EPB41L4B: variants seen among roughly 807,000 people sequenced by gnomAD.
EPB41L4B encodes the protein band 4.1-like protein 4B.
In EPB41L4B, 30 loss-of-function variants were observed where a neutral mutation model predicts 112.5. That is an observed-to-expected ratio of 0.27 (90% CI 0.20 to 0.36). The LOEUF (loss-of-function observed/expected upper bound fraction) is 0.36. EPB41L4B is among the 10% of genes least tolerant of loss of function. The probability of loss-of-function intolerance (pLI) is 1.00; values close to 1 mark genes in which losing one functional copy is unlikely to be tolerated. For missense variants in EPB41L4B, 1,024 were observed against 1,133.3 expected, an observed-to-expected ratio of 0.90 and a Z score of 1.38; for synonymous variants, 408 against 439.7, an observed-to-expected ratio of 0.93 and a Z score of 0.90.
Position 109,238,097 on chromosome 9 carries a change from C to G in EPB41L4B, c.1409+5521G>C, listed in dbSNP as rs1017707167. ...CAGGCTGCTTGGTTAAACTCTAAGC[C>G]TGAGCTTCCCTATCTATGAAAAACA... On this transcript the variant is annotated intron_variant, in intron 15 of 25. Coordinates refer to ENST00000374566, the MANE Select transcript of EPB41L4B (RefSeq NM_019114.5). Among the ~76,000 whole-genome samples, 3 of 152,154 alleles carry G rather than the reference C, an allele frequency of 2.0e-5. No homozygotes were observed. In the South Asian group the frequency reaches 6.2e-4, roughly 32 times the overall value.
chr9:109,182,648 T>C (rs1832107134), intron 24 of EPB41L4B, 81 bp downstream of exon 24: 11 of 1,032,520 alleles, frequency 1.1e-5, no homozygotes, highest in Non-Finnish European at 1.7e-5. Flanking sequence ...CGGTTGACCT[T>C]GCTGTCTGGC....
chr9:109,227,092 C>CATCCTAAAGCACTGGTATTACAGG, intron 15 of EPB41L4B, among the ~76,000 whole-genome samples: 1 of 152,132 alleles, frequency 6.6e-6, no homozygotes, highest in Admixed American at 6.5e-5. Context: ...TCCCACTTCT[C>CATCCTAAAGCACTGGTATTACAGG]ATCCTAAAGC....
intron 20 of EPB41L4B, among the ~76,000 whole-genome samples, chr9:109,199,539 T>C (rs1331301974): frequency 6.6e-6 from 1 of 152,022 alleles, no homozygotes; most frequent in African/African-American, 2.4e-5. Context: ...CTTATTGGCT[T>C]ATACCTGTAA....
intron 20 of EPB41L4B, among the ~76,000 whole-genome samples, chr9:109,197,647 G>C (rs1399132256): frequency 1.3e-5 from 2 of 151,838 alleles, no homozygotes; most frequent in African/African-American, 4.8e-5. Flanking sequence ...TTGAAAAAGA[G>C]TGTCCTTAAA....
chr9:109,256,311 C>T lies in EPB41L4B; in HGVS notation c.840+82G>A, dbSNP rs1026425914. On this transcript the variant is annotated intron_variant, in intron 8 of 25. Coordinates refer to ENST00000374566, the MANE Select transcript of EPB41L4B (RefSeq NM_019114.5). ...CAAAATGCAAAAACAGTTTCCTCAC[C>T]ACAAGTTATTTTGTTTGCATAATGT... is the stretch of plus-strand genomic sequence containing the variant. The T allele has an allele frequency of 4.4e-6, 7 of 1,588,680 alleles. 1 individual carries two copies. The Admixed American group carries it at 5.1e-5, about 11-fold the overall frequency.
chr9:109,293,614 C>T (rs1488794345), intron 1 of EPB41L4B, among the ~76,000 whole-genome samples: 2 of 150,154 alleles, frequency 1.3e-5, no homozygotes, highest in Non-Finnish European at 1.5e-5. Context: ...CAACTCCTGA[C>T]CTCAGGTGAT....
chr9:109,273,800 T>C (rs982823414), intron 2 of EPB41L4B, among the ~76,000 whole-genome samples: 1 of 152,212 alleles, frequency 6.6e-6, no homozygotes, highest in African/African-American at 2.4e-5. Context: ...TTTTGTCTGT[T>C]TCCAGCAGTT....
At chr9:109,197,972 A>G (rs1832702663) in intron 20 of EPB41L4B, among the ~76,000 whole-genome samples, 1 of 152,264 alleles carries the variant, frequency 6.6e-6, no homozygotes, top group African/African-American at 2.4e-5. Flanking sequence ...ATGTAAAAGG[A>G]ATGGCAAGTT....
Position 109,321,008 on chromosome 9 carries a change from AGCCGCCGCCGCCGCCGCCGCC to A in EPB41L4B, c.-583_-563del, listed in dbSNP as rs752403352. The A allele has an allele frequency of 5.6e-6, 1 of 178,640 alleles. No homozygotes were observed. The highest frequency in any genetic ancestry group is 1.2e-4 in the South Asian group (1 of 8,120). The allele number at this position is 178,640 out of a possible 1,614,324, so 11.1% of individuals were successfully genotyped here. A position where few individuals can be genotyped will look rare whatever the true frequency, so the allele number is the denominator to read the frequency against. ...CTCCCACCTGGGAGGCTGCACCTCCAGCCGCCGCCGCCGCCGCCGCCGCCGCTGCCGCCGGGACTGCAGCAC... is the reference window on the plus strand; with the variant it reads ...CTCCCACCTGGGAGGCTGCACCTCCAGCCGCTGCCGCCGGGACTGCAGCAC... On this transcript the variant is annotated 5_prime_UTR_variant, in exon 1 of 26. Transcript: ENST00000374566.
At chr9:109,268,718 G>A (rs1344850506) in intron 2 of EPB41L4B, among the ~76,000 whole-genome samples, 1 of 151,928 alleles carries the variant, frequency 6.6e-6, no homozygotes, top group Non-Finnish European at 1.5e-5. Context: ...CTAACACGGT[G>A]AAACCCCGTC....
intron 15 of EPB41L4B, among the ~76,000 whole-genome samples, chr9:109,225,062 G>A (rs1833712372): frequency 2.0e-5 from 3 of 152,198 alleles, no homozygotes; most frequent in South Asian, 4.1e-4. Flanking sequence ...CCCTGGCTAA[G>A]ACATCCTTGT....
Position 109,247,782 on chromosome 9 carries a change from T to C in EPB41L4B, c.1318A>G (p.Thr440Ala). The C allele has an allele frequency of 6.7e-7, 1 of 1,503,526 alleles. No homozygotes were observed. The highest frequency in any genetic ancestry group is 8.9e-7 in the Non-Finnish European group (1 of 1,125,664). 93.1% of individuals were successfully genotyped at this position (1,503,526 alleles called of 1,614,324 possible). A position where few individuals can be genotyped will look rare whatever the true frequency, so the allele number is the denominator to read the frequency against. ...PVIAAQLCSK[T>A]NPEVHNYQPQ... ...TGGTAATTATGGACTTCTGGATTTGTTTTAGAGCTAAACAAACAAACAAAC... is the reference window on the plus strand; with the variant it reads ...TGGTAATTATGGACTTCTGGATTTGCTTTAGAGCTAAACAAACAAACAAAC... The change falls in exon 14 of 26, where the codon ACA becomes GCA. Residue 440 changes from threonine (T) to alanine (A), a missense_variant. Physicochemically the swap from Thr to Ala is moderately conservative, Grantham distance 58 (BLOSUM62 0). Coordinates refer to ENST00000374566, the MANE Select transcript of EPB41L4B (RefSeq NM_019114.5).
chr9:109,295,122 C>T (rs1309056658), intron 1 of EPB41L4B, among the ~76,000 whole-genome samples: 2 of 152,200 alleles, frequency 1.3e-5, no homozygotes, highest in Admixed American at 6.5e-5. Context: ...CACCTATGGA[C>T]GTTGAGTCAC....
At chr9:109,208,952 A>T (rs1039004650) in intron 17 of EPB41L4B, among the ~76,000 whole-genome samples, 3 of 152,206 alleles carry the variant, frequency 2.0e-5, no homozygotes, top group Non-Finnish European at 4.4e-5. Flanking sequence ...ATATACAGTC[A>T]TTATTAGAAG....
chr9:109,308,845 A>C (rs895395121), intron 1 of EPB41L4B, among the ~76,000 whole-genome samples: 1 of 152,222 alleles, frequency 6.6e-6, no homozygotes, highest in Admixed American at 6.5e-5. Context: ...TGGGAGGCTG[A>C]GGCAGGCGGA....
Position 109,297,559 on chromosome 9 carries a change from T to C in EPB41L4B, c.307-17638A>G, listed in dbSNP as rs530627077. Among the ~76,000 whole-genome samples the C allele has an allele frequency of 1.1e-4, 16 of 152,340 alleles. No individual in the cohort carries two copies. The South Asian group carries it at 3.3e-3, about 32-fold the overall frequency. On this transcript the variant is annotated intron_variant, in intron 1 of 25. Transcript: ENST00000374566. ...TGAGAACCAGTGCAGATGCGTCATGTGGCACAGTCACGGCTGTCCACCGGC... is the reference window on the plus strand; with the variant it reads ...TGAGAACCAGTGCAGATGCGTCATGCGGCACAGTCACGGCTGTCCACCGGC...
chr9:109,306,987 C>A (rs916764158), intron 1 of EPB41L4B, among the ~76,000 whole-genome samples: 1 of 151,506 alleles, frequency 6.6e-6, no homozygotes, highest in Non-Finnish European at 1.5e-5. Flanking sequence ...TCCCACAGGG[C>A]CTTACAGACA....
chr9:109,313,670 G>T (rs1447003725), intron 1 of EPB41L4B, among the ~76,000 whole-genome samples: 2 of 152,190 alleles, frequency 1.3e-5, no homozygotes, highest in East Asian at 3.9e-4. Context: ...ACCAAGGGAG[G>T]GGCAGCAGGC....
Position 109,255,855 on chromosome 9 carries a change from G to C in EPB41L4B, c.930-12C>G. On this transcript the variant is annotated splice_polypyrimidine_tract_variant and intron_variant, in intron 9 of 25. Transcript: ENST00000374566. ...TGGTAATTTTAGGCCTAGTCAGACA[G>C]AAAGCATTTTAAAAGCACAATCTGC... 1 of 1,610,234 alleles carries C rather than the reference G, an allele frequency of 6.2e-7. No homozygotes were observed. Among genetic ancestry groups the C allele is most frequent in the Non-Finnish European group, 8.5e-7 (1 of 1,178,878 alleles).
Sources: gnomAD v4.1 joint callset for allele counts (sites outside exome capture counted in the v4.1 genomes callset) on GRCh38, gnomAD v4.1.1 for gene constraint, MANE v1.5 for transcripts, NCBI Gene and HGNC (gene_info 2026-07-23, HGNC 2026-07-21) for gene names.